Variants in CTNNA3 observed in about 807,000 individuals in gnomAD.
CTNNA3 encodes the protein catenin alpha 3, also known as catenin alpha-3.
A neutral mutation model predicts 95.7 loss-of-function variants in CTNNA3; 76 were observed. The ratio of observed to expected loss-of-function variants is 0.79; its 90% confidence interval spans 0.66 to 0.96. The LOEUF is 0.96. Among genes scored for constraint, CTNNA3 ranks in the 40% least tolerant of loss-of-function variants. CTNNA3 has a pLI of 0.00. For synonymous variants in CTNNA3, 431 were observed against 374.4 expected, an observed-to-expected ratio of 1.15 and a Z score of -1.74; for missense variants, 1,191 against 1,089.8, an observed-to-expected ratio of 1.09 and a Z score of -1.31.
At chr10:66,896,073 G>A (rs575459235) in intron 7 of CTNNA3, among the ~76,000 whole-genome samples, 1 of 151,828 alleles carries the variant, frequency 6.6e-6, no homozygotes, top group African/African-American at 2.4e-5. Flanking sequence ...CTCCAGCCTG[G>A]GCAACAAGAG....
intron 9 of CTNNA3, among the ~76,000 whole-genome samples, chr10:66,733,386 G>A (rs911595096): frequency 6.6e-6 from 1 of 151,758 alleles, no homozygotes; most frequent in Non-Finnish European, 1.5e-5. Flanking sequence ...AACATATTAT[G>A]ATTTTTCTTA....
intron 3 of CTNNA3, among the ~76,000 whole-genome samples, chr10:67,567,559 A>C (rs1841850579): frequency 6.6e-6 from 1 of 152,142 alleles, no homozygotes; most frequent in Non-Finnish European, 1.5e-5. Context: ...GCAAGTAATA[A>C]AATTACAGGT....
intron 9 of CTNNA3, among the ~76,000 whole-genome samples, chr10:66,642,279 A>ACACACACACACACAC (rs1554828894): frequency 3.3e-5 from 2 of 61,422 alleles, no homozygotes; most frequent in South Asian, 8.3e-4. Context: ...CACACACACA[A>ACACACACACACACAC]ACACACACAC....
chr10:66,373,768 A>G (rs1414427233), intron 12 of CTNNA3, among the ~76,000 whole-genome samples: 1 of 152,236 alleles, frequency 6.6e-6, no homozygotes, highest in Non-Finnish European at 1.5e-5. Context: ...CATTACCAAA[A>G]TTAGGTTCAG....
Position 66,935,347 on chromosome 10 carries a change from G to T in CTNNA3, c.1048-159823C>A, listed in dbSNP as rs1024559886. Among the ~76,000 whole-genome samples the T allele has an allele frequency of 4.6e-5, 7 of 152,078 alleles. No individual in the cohort carries two copies. The South Asian group carries it at 6.2e-4, about 13-fold the overall frequency. On this transcript the variant is annotated intron_variant, in intron 7 of 17. Transcript: ENST00000433211. ...GTTATAACGGTGAAAACTCTAGGAAGTTTACCATAGTGAAAACTCTCCAAG... is the reference window on the plus strand; with the variant it reads ...GTTATAACGGTGAAAACTCTAGGAATTTTACCATAGTGAAAACTCTCCAAG...
At chr10:67,226,195 T>C (rs553795406) in intron 5 of CTNNA3, among the ~76,000 whole-genome samples, 1 of 152,182 alleles carries the variant, frequency 6.6e-6, no homozygotes, top group East Asian at 1.9e-4. Flanking sequence ...TAAGAAAATA[T>C]GAACAAAGCC....
chr10:67,537,358 AATAGAAATCATGATC>A (rs1840518601), intron 4 of CTNNA3, among the ~76,000 whole-genome samples: 1 of 152,206 alleles, frequency 6.6e-6, no homozygotes, highest in Admixed American at 6.5e-5. Flanking sequence ...TCATTTGTTA[AATAGAAATCATGATC>A]ATAGGGCTGT....
At chr10:65,933,283 A>G (rs1027051089) in intron 17 of CTNNA3, among the ~76,000 whole-genome samples, 5 of 152,182 alleles carry the variant, frequency 3.3e-5, no homozygotes, top group African/African-American at 7.2e-5. Context: ...ATTTGATAGT[A>G]ATAATAATAG....
chr10:65,958,791 C>CA (rs910047871), intron 17 of CTNNA3, among the ~76,000 whole-genome samples: 2 of 152,160 alleles, frequency 1.3e-5, no homozygotes, highest in Admixed American at 1.3e-4. Flanking sequence ...TATGAGGTGT[C>CA]AGTCAGCCCC....
intron 3 of CTNNA3, among the ~76,000 whole-genome samples, chr10:67,571,370 C>G (rs1230667970): frequency 6.6e-6 from 1 of 152,106 alleles, no homozygotes; most frequent in East Asian, 1.9e-4. Flanking sequence ...TCTGGTCACT[C>G]TAAGTATCTT....
intron 11 of CTNNA3, among the ~76,000 whole-genome samples, chr10:66,420,835 A>AATT (rs1652537233): frequency 1.7e-4 from 16 of 93,008 alleles, no homozygotes; most frequent in South Asian, 3.8e-4. Flanking sequence ...ATAAATAAAT[A>AATT]AATAAAAAAC....
intron 5 of CTNNA3, among the ~76,000 whole-genome samples, chr10:67,401,852 C>T (rs1032767692): frequency 6.6e-6 from 1 of 152,096 alleles, no homozygotes; most frequent in African/African-American, 2.4e-5. Flanking sequence ...CTAATCCTGC[C>T]CTTGCAAAAC....
Position 67,219,762 on chromosome 10 carries a change from CA to C in CTNNA3, c.687del (p.Asp230MetfsTer22). 6.2e-7 allele frequency: 1 copy of C among 1,614,098 alleles called. No homozygotes were observed. Among genetic ancestry groups the C allele is most frequent in the African/African-American group, 1.3e-5 (1 of 75,036 alleles). On this transcript the variant is annotated frameshift_variant, in exon 6 of 18. Coordinates refer to ENST00000433211, the MANE Select transcript of CTNNA3 (RefSeq NM_013266.4). LOFTEE classifies it high-confidence loss of function. ...TTGCTTGCTTTGAGGGAAGCAACAT[CA>C]GAATGCTCCAAACAAGCTGAACAAA... is the stretch of plus-strand genomic sequence containing the variant. ...HSICSACLEH[S>X]DVASLKASKD...
At chr10:67,364,896 A>T (rs1014326462) in intron 5 of CTNNA3, among the ~76,000 whole-genome samples, 2 of 152,164 alleles carry the variant, frequency 1.3e-5, no homozygotes, top group Non-Finnish European at 2.9e-5. Flanking sequence ...TATGGAACCA[A>T]AAAAGAGCCC....
In CTNNA3 at chr10:66,167,111, T is replaced by C. The variant is rs911828810; in HGVS notation, c.1885-63862A>G. Among the ~76,000 whole-genome samples the C allele has an allele frequency of 2.0e-5, 3 of 152,132 alleles. No homozygotes were observed. In the South Asian group the frequency reaches 6.2e-4, roughly 32 times the overall value. On this transcript the variant is annotated intron_variant, in intron 13 of 17. Transcript: ENST00000433211. ...GCCTTTCACAAACAAAATAGTCACA[T>C]ATGCCTCTCAGAAAGAAAAGGTACC... is the stretch of plus-strand genomic sequence containing the variant.
intron 9 of CTNNA3, among the ~76,000 whole-genome samples, chr10:66,732,810 T>A (rs1278378795): frequency 1.3e-5 from 2 of 151,924 alleles, no homozygotes; most frequent in East Asian, 1.9e-4. Context: ...CTTTTTTTTT[T>A]AAAGAAACAG....
At chr10:66,546,211 G>A (rs1297089553) in intron 10 of CTNNA3, among the ~76,000 whole-genome samples, 1 of 151,836 alleles carries the variant, frequency 6.6e-6, no homozygotes, top group Non-Finnish European at 1.5e-5. Flanking sequence ...AAAAACATAT[G>A]TTTTTGCTTT....
At chr10:66,626,552 CCAAAGTTA>C (rs147799769) in intron 9 of CTNNA3, among the ~76,000 whole-genome samples, 3,498 of 152,042 alleles carry the variant, frequency 0.023, 137 homozygotes, top group African/African-American at 0.081. Context: ...GCAGGACAGC[CCAAAGTTA>C]CAAAGTTACA....
chr10:66,211,937 G>T (rs1263999891), intron 13 of CTNNA3, among the ~76,000 whole-genome samples: 1 of 149,228 alleles, frequency 6.7e-6, no homozygotes, highest in Non-Finnish European at 1.5e-5. Flanking sequence ...TAACTTTTGT[G>T]CATGTCTAAC....
Sources: allele counts gnomAD v4.1 joint callset (sites outside exome capture counted in the v4.1 genomes callset), GRCh38; gene constraint gnomAD v4.1.1; transcripts MANE v1.5; gene names NCBI Gene and HGNC (gene_info 2026-07-23, HGNC 2026-07-21).